The following USP48 variants were observed in gnomAD, a reference collection of about 807,000 sequenced individuals.
USP48 encodes ubiquitin carboxyl-terminal hydrolase 48.
USP48 carries 43 observed loss-of-function variants against 150.7 expected under a neutral mutation model. The ratio of observed to expected loss-of-function variants is 0.29; its 90% CI spans 0.22 to 0.37. The LOEUF (loss-of-function observed/expected upper bound fraction) is 0.37, where lower values mean the gene tolerates loss of function less well. Among genes scored for constraint, USP48 ranks in the 10% least tolerant of loss-of-function variants. The probability of loss-of-function intolerance (pLI) is 1.00; values close to 1 mark genes in which losing one functional copy is unlikely to be tolerated. For synonymous variants in USP48, 396 were observed against 425.9 expected, an observed-to-expected ratio of 0.93 and a Z score of 0.86; for missense variants, 813 against 1,249.6, an observed-to-expected ratio of 0.65 and a Z score of 5.27.
chr1:21,707,408 A>G (rs1366580317), intron 15 of USP48, among the ~76,000 whole-genome samples: 1 of 152,232 alleles, frequency 6.6e-6, no homozygotes, highest in Non-Finnish European at 1.5e-5. Context: ...AAAGTTATCA[A>G]TTCAAACAGA....
chr1:21,771,803 C>T (rs1235117539), intron 1 of USP48, among the ~76,000 whole-genome samples: 3 of 4,588 alleles, frequency 6.5e-4, no homozygotes, highest in Non-Finnish European at 0.011. Context: ...CCTGTAATCC[C>T]AGCTGTCAGG....
Position 21,740,466 on chromosome 1 carries a change from C to A in USP48, c.992-3841G>T, listed in dbSNP as rs891486151. 2.8e-4 allele frequency among the ~76,000 whole-genome samples: 42 copies of A among 152,088 alleles called. 1 individual carries two copies. Among genetic ancestry groups the A allele is most frequent in the Admixed American group, 1.3e-3 (20 of 15,278 alleles). On this transcript the variant is annotated intron_variant, in intron 8 of 26. Transcript: ENST00000308271. ...TATTTTGGGACCTAGGGGTAAAAATCAAAAACCAAAAGGAAATCTCCATTA... is the reference window on the plus strand; with the variant it reads ...TATTTTGGGACCTAGGGGTAAAAATAAAAAACCAAAAGGAAATCTCCATTA...
chr1:21,728,694 C>A lies in USP48; in HGVS notation c.1326G>T (p.Arg442=). The A allele has an allele frequency of 1.9e-6, 3 of 1,613,990 alleles. No homozygotes were observed. Among genetic ancestry groups the A allele is most frequent in the Non-Finnish European group, 2.5e-6 (3 of 1,179,978 alleles). ...VPAFLQELVD[R]DNSKFEEWCI... ...ACCACTCCTCAAATTTGGAATTATC[C>A]CGATCTACCAGCTCTTGAAGAAAGG... The change falls in exon 11 of 27, where the codon CGG becomes CGT. Residue 442 remains arginine (R), a synonymous_variant. Transcript: ENST00000308271.
At chr1:21,769,248 T>C (rs1189006229) in intron 1 of USP48, among the ~76,000 whole-genome samples, 2 of 152,176 alleles carry the variant, frequency 1.3e-5, no homozygotes, top group African/African-American at 2.4e-5. Flanking sequence ...ATACAACTTA[T>C]AGAAATAACA....
At chr1:21,753,173 C>CA in intron 3 of USP48, 54 bp from the exon 4 acceptor site, 1 of 1,545,936 alleles carries the variant, frequency 6.5e-7, no homozygotes, top group Non-Finnish European at 8.7e-7. Context: ...CTTTTCTTTC[C>CA]AAAAAATGGT....
intron 6 of USP48, among the ~76,000 whole-genome samples, chr1:21,751,111 T>C (rs1334498983): frequency 6.6e-6 from 1 of 152,166 alleles, no homozygotes; most frequent in Non-Finnish European, 1.5e-5. Flanking sequence ...TATCTCCACA[T>C]GAATCTAAAT....
At chr1:21,760,456 C>T (rs2097847169) in intron 1 of USP48, among the ~76,000 whole-genome samples, 1 of 152,194 alleles carries the variant, frequency 6.6e-6, no homozygotes, top group South Asian at 2.1e-4. Context: ...TGGCTCACGC[C>T]TGTAATCCCA....
chr1:21,726,269 G>A (rs867051045), intron 11 of USP48, among the ~76,000 whole-genome samples: 1 of 152,144 alleles, frequency 6.6e-6, no homozygotes, highest in African/African-American at 2.4e-5. Flanking sequence ...GGGTGACTGT[G>A]GCCCTGACTG....
In USP48 at chr1:21,752,603, A is replaced by G; in HGVS notation, c.589T>C (p.Leu197=). The G allele has an allele frequency of 6.2e-7, 1 of 1,613,444 alleles. No homozygotes were observed. The highest frequency in any genetic ancestry group is 8.5e-7 in the Non-Finnish European group (1 of 1,179,832). The part of the protein sequence containing the change: ...KLFMSLLEDT[L]SKQKNPDVRN... ...ACATCTGGATTCTTTTGTTTAGACA[A>G]AGTATCTTCCAATAGAGACATAAAG... Residue 197 remains leucine, a synonymous_variant, in exon 5 of 27, where the codon TTG becomes CTG. Transcript: ENST00000308271.
At chr1:21,733,228 C>CA (rs2152560315) in intron 9 of USP48, among the ~76,000 whole-genome samples, 1 of 152,188 alleles carries the variant, frequency 6.6e-6, no homozygotes, top group African/African-American at 2.4e-5. Flanking sequence ...CCAGCCTGGC[C>CA]AACATGGTGA....
intron 1 of USP48, among the ~76,000 whole-genome samples, chr1:21,776,010 G>T (rs188954904): frequency 1.3e-5 from 2 of 152,178 alleles, no homozygotes; most frequent in African/African-American, 4.8e-5. Flanking sequence ...CATTATGTTG[G>T]TGAGGGTATG....
At chr1:21,692,046 A>T (rs2097603264) in intron 23 of USP48, among the ~76,000 whole-genome samples, 1 of 152,206 alleles carries the variant, frequency 6.6e-6, no homozygotes, top group Admixed American at 6.5e-5. Flanking sequence ...TTGACAGGCC[A>T]GTGTGATGGG....
chr1:21,703,432 C>T, intron 21 of USP48, 80 bp downstream of exon 21: 2 of 1,093,706 alleles, frequency 1.8e-6, no homozygotes, highest in Non-Finnish European at 2.7e-6. Flanking sequence ...TAGGCAGACC[C>T]TCAGTGCAAA....
Position 21,704,305 on chromosome 1 carries a change from C to T in USP48, c.2472G>A (p.Val824=). The change falls in exon 20 of 27, where the codon GTG becomes GTA. Residue 824 remains valine, a synonymous_variant. Coordinates refer to ENST00000308271, the MANE Select transcript of USP48 (RefSeq NM_032236.8). ...DHVIKITRIE[V]GDVNPSETQY... is the part of the protein sequence containing the mutation. ...GTGTTTCTGAAGGGTTTACATCTCC[C>T]ACTTCAATTCTCGTGATTTTAATTA... 2 of 1,613,604 alleles carry T rather than the reference C, an allele frequency of 1.2e-6. No homozygotes were observed. Among genetic ancestry groups the T allele is most frequent in the African/African-American group, 1.3e-5 (1 of 74,936 alleles).
chr1:21,777,967 T>C (rs1321285183), intron 1 of USP48, among the ~76,000 whole-genome samples: 3 of 61,908 alleles, frequency 4.8e-5, no homozygotes, highest in African/African-American at 1.9e-4. Flanking sequence ...CTCTACTAAA[T>C]ATACCAAAAA....
intron 3 of USP48, 92 bp from the exon 4 acceptor site, chr1:21,753,211 A>T: frequency 7.9e-7 from 1 of 1,262,558 alleles, no homozygotes; most frequent in Non-Finnish European, 1.1e-6. Flanking sequence ...GAACATAAAC[A>T]TCTCTACATC....
chr1:21,760,870 G>A (rs549069100), intron 1 of USP48, among the ~76,000 whole-genome samples: 2 of 152,244 alleles, frequency 1.3e-5, no homozygotes, highest in African/African-American at 2.4e-5. Context: ...TGAGGCAGGC[G>A]ATCACCTGAG....
intron 14 of USP48, among the ~76,000 whole-genome samples, chr1:21,720,479 T>A (rs2097717212): frequency 6.6e-6 from 1 of 152,138 alleles, no homozygotes; most frequent in African/African-American, 2.4e-5. Context: ...TCTTTAAAAT[T>A]ACATGGATGG....
At chr1:21,748,383 T>A in intron 6 of USP48, 112 bp from the exon 7 acceptor site, 1 of 1,027,078 alleles carries the variant, frequency 9.7e-7, no homozygotes, top group Non-Finnish European at 1.4e-6. Context: ...TCACTTAAGC[T>A]ACTTAAAAAC....
Sources: gnomAD v4.1 joint callset for allele counts (sites outside exome capture counted in the v4.1 genomes callset) on GRCh38, gnomAD v4.1.1 for gene constraint, MANE v1.5 for transcripts, NCBI Gene and HGNC (gene_info 2026-07-23, HGNC 2026-07-21) for gene names.